SLC5A1: variants seen among roughly 807,000 people sequenced by gnomAD.
The protein encoded by SLC5A1 is sodium/glucose cotransporter 1.
SLC5A1 carries 42 observed loss-of-function variants against 73.5 expected under a neutral mutation model. The observed-to-expected ratio is 0.57, with a 90% CI of 0.45 to 0.74. The LOEUF (loss-of-function observed/expected upper bound fraction) is 0.74, where lower values mean the gene tolerates loss of function less well. Among genes scored for constraint, SLC5A1 ranks in the 30% least tolerant of loss-of-function variants. The pLI is 0.00. For missense variants in SLC5A1, 634 were observed against 855.4 expected (o/e 0.74, Z 3.23); for synonymous variants, 300 against 317.4 (o/e 0.95, Z 0.58).
chr22:32,043,722 G>A lies in SLC5A1; in HGVS notation c.135+306G>A, dbSNP rs909778750. On this transcript the variant is annotated intron_variant, in intron 1 of 14. Transcript: ENST00000266088. The surrounding 1 kb of genome is among the most constrained non-coding windows in gnomAD (Gnocchi z 6.5). The stretch of plus-strand genomic sequence containing the variant: ...TGGAAAGTGTAAGGGGCAGGAAAGC[G>A]GCTGCTTAGAGCTACAGGGAGGGCT... Among the ~76,000 whole-genome samples the A allele has an allele frequency of 1.3e-5, 2 of 152,168 alleles. No homozygotes were observed. The highest frequency in any genetic ancestry group is 2.1e-4 in the South Asian group (1 of 4,822).
At chr22:32,075,081 T>TC (rs1176167253) in intron 5 of SLC5A1, among the ~76,000 whole-genome samples, 2 of 148,448 alleles carry the variant, frequency 1.3e-5, no homozygotes, top group East Asian at 1.9e-4. Flanking sequence ...TTTTTTTTTT[T>TC]TTTTTTTTTT....
At chr22:32,079,056 G>A (rs889481358) in intron 5 of SLC5A1, among the ~76,000 whole-genome samples, 1 of 151,096 alleles carries the variant, frequency 6.6e-6, no homozygotes, top group East Asian at 1.9e-4. Flanking sequence ...TTGTTTTGAG[G>A]ATCAAAATAA....
At chr22:32,089,471 T>C (rs902791281) in intron 10 of SLC5A1, among the ~76,000 whole-genome samples, 3 of 152,132 alleles carry the variant, frequency 2.0e-5, no homozygotes, top group Non-Finnish European at 4.4e-5. Context: ...TGAAGTTTAA[T>C]AGAGGTATAA....
chr22:32,104,643 T>G, intron 13 of SLC5A1, 143 bp from the exon 14 acceptor site: 4 of 703,182 alleles, frequency 5.7e-6, no homozygotes, highest in Non-Finnish European at 7.8e-6. Context: ...ATGTTATGGA[T>G]GAGAATCGTT....
chr22:32,093,554 CTTTCTTTTCT>C (rs199653525), intron 11 of SLC5A1, among the ~76,000 whole-genome samples: 5 of 149,996 alleles, frequency 3.3e-5, no homozygotes, highest in South Asian at 2.1e-4. Flanking sequence ...GTCTTTTTTC[CTTTCTTTTCT>C]TTTCTTTTCT....
intron 2 of SLC5A1, among the ~76,000 whole-genome samples, chr22:32,053,949 C>T (rs1160518340): frequency 6.6e-6 from 1 of 152,142 alleles, no homozygotes; most frequent in Non-Finnish European, 1.5e-5. Flanking sequence ...CCGAGGCAGG[C>T]AGATCGCCTG....
At chr22:32,085,757 A>T (rs985860832) in intron 9 of SLC5A1, among the ~76,000 whole-genome samples, 3 of 152,066 alleles carry the variant, frequency 2.0e-5, no homozygotes, top group Admixed American at 6.6e-5. Flanking sequence ...AGGGCGGGGC[A>T]GGCACCAAAG....
intron 6 of SLC5A1, among the ~76,000 whole-genome samples, chr22:32,082,683 T>C (rs2094001866): frequency 6.6e-6 from 1 of 152,098 alleles, no homozygotes; most frequent in Non-Finnish European, 1.5e-5. Context: ...CCCACAGCTT[T>C]GGGGACTAAG....
At chr22:32,101,630 TA>T (rs1211662236) in intron 12 of SLC5A1, among the ~76,000 whole-genome samples, 1 of 152,240 alleles carries the variant, frequency 6.6e-6, no homozygotes, top group Non-Finnish European at 1.5e-5. Context: ...TGAATATGCC[TA>T]AATCTGGAGA....
At chr22:32,044,964 A>G (rs1433330333) in intron 1 of SLC5A1, among the ~76,000 whole-genome samples, 1 of 152,248 alleles carries the variant, frequency 6.6e-6, no homozygotes, top group Non-Finnish European at 1.5e-5. Context: ...AAAAGCCACA[A>G]GACAGGGAAG....
At chr22:32,058,293 G>T (rs1325843517) in intron 2 of SLC5A1, among the ~76,000 whole-genome samples, 1 of 152,180 alleles carries the variant, frequency 6.6e-6, no homozygotes. Context: ...AAGCCAAACT[G>T]GGAGGAAAGC....
chr22:32,107,570 A>G (rs913247889), intron 14 of SLC5A1, among the ~76,000 whole-genome samples: 4 of 152,168 alleles, frequency 2.6e-5, no homozygotes, highest in Admixed American at 1.3e-4. Flanking sequence ...AGAATTGTCT[A>G]TATTTACCAC....
chr22:32,084,745 G>T, intron 8 of SLC5A1, 86 bp downstream of exon 8: 1 of 1,511,396 alleles, frequency 6.6e-7, no homozygotes, highest in South Asian at 1.1e-5. Flanking sequence ...GCAGGGTTGG[G>T]ACAGGGAGGG....
intron 2 of SLC5A1, among the ~76,000 whole-genome samples, chr22:32,064,516 G>T (rs73391035): frequency 0.033 from 4,982 of 151,596 alleles, 105 homozygotes; most frequent in South Asian, 0.089. Flanking sequence ...AAAAAAAGTG[G>T]ACTGTTATCC....
Position 32,066,920 on chromosome 22 carries a change from C to T in SLC5A1, c.208-15C>T. On this transcript the variant is annotated splice_polypyrimidine_tract_variant and intron_variant, in intron 2 of 14. Transcript: ENST00000266088. ...GAGCACAGAGCCCTCACCTGACTTT[C>T]TTTTGCGTTTCCAGATTGGAGCCTC... 1.3e-6 allele frequency: 2 copies of T among 1,599,636 alleles called. No individual in the cohort carries two copies. Among genetic ancestry groups the T allele is most frequent in the Non-Finnish European group, 1.7e-6 (2 of 1,167,108 alleles).
At chr22:32,103,993 A>C (rs2094040746) in intron 13 of SLC5A1, among the ~76,000 whole-genome samples, 1 of 152,228 alleles carries the variant, frequency 6.6e-6, no homozygotes, top group Admixed American at 6.5e-5. Flanking sequence ...ACCCAAGGTC[A>C]TATTTATTCC....
intron 11 of SLC5A1, among the ~76,000 whole-genome samples, chr22:32,092,461 T>C (rs2094019570): frequency 6.6e-6 from 1 of 152,244 alleles, no homozygotes; most frequent in South Asian, 2.1e-4. Flanking sequence ...TCTGGGTAGA[T>C]ACCCAGTAGT....
intron 5 of SLC5A1, among the ~76,000 whole-genome samples, chr22:32,080,907 T>G (rs1328701715): frequency 6.6e-6 from 1 of 152,020 alleles, no homozygotes; most frequent in Non-Finnish European, 1.5e-5. Context: ...GGCAGGAGAA[T>G]CGCTTGAACC....
intron 10 of SLC5A1, among the ~76,000 whole-genome samples, chr22:32,086,922 T>C (rs1453429519): frequency 6.6e-6 from 1 of 152,214 alleles, no homozygotes; most frequent in African/African-American, 2.4e-5. Flanking sequence ...GGGATACTAT[T>C]CACCCTCAAA....
Sources: allele counts gnomAD v4.1 joint callset (sites outside exome capture counted in the v4.1 genomes callset), GRCh38; gene constraint gnomAD v4.1.1; non-coding constraint Gnocchi (gnomAD v3.1); transcripts MANE v1.5; gene names NCBI Gene and HGNC (gene_info 2026-07-23, HGNC 2026-07-21).